PRR35: variants seen among roughly 807,000 people sequenced by gnomAD.
The protein encoded by PRR35 is proline rich 35.
Under a neutral mutation model 18.6 loss-of-function variants are expected in PRR35, and 14 were observed. The ratio of observed to expected loss-of-function variants is 0.75; its 90% confidence interval spans 0.50 to 1.18. The LOEUF (loss-of-function observed/expected upper bound fraction) is 1.18, where lower values mean the gene tolerates loss of function less well. PRR35 is among the 50% of genes most tolerant of loss of function. The probability of loss-of-function intolerance (pLI) is 0.00; values close to 1 mark genes in which losing one functional copy is unlikely to be tolerated. For missense variants in PRR35, 832 were observed against 792.2 expected, an observed-to-expected ratio of 1.05 and a Z score of -0.60; for synonymous variants, 425 against 378.2, an observed-to-expected ratio of 1.12 and a Z score of -1.43.
Position 563,888 on chromosome 16 carries a change from C to A in PRR35, c.594C>A (p.Phe198Leu). The change falls in exon 2 of 3, where the codon TTC becomes TTA. Residue 198 changes from phenylalanine (F) to leucine (L), a missense_variant. By Grantham distance (22) the Phe-to-Leu change is conservative. Around this residue, in one of 3 missense-constraint regions of PRR35, gnomAD observed 768 missense variants for 704.1 expected, o/e 1.09. Transcript: ENST00000409413. ...ATCCCCCGCCTGCCCCAGGGGAGTT[C>A]CCTGAGGCCCACAGCCTCCACCTGT... is the stretch of plus-strand genomic sequence containing the variant. Reference protein sequence around the residue: ...PCYPPPAPGEFPEAHSLHLSL... With the variant: ...PCYPPPAPGELPEAHSLHLSL... 6.3e-7 allele frequency: 1 copy of A among 1,580,896 alleles called. No homozygotes were observed. The highest frequency in any genetic ancestry group is 2.3e-5 in the East Asian group (1 of 42,766).
intron 1 of PRR35, among the ~76,000 whole-genome samples, chr16:562,597 ACACACACAGG>A (rs1445119565): frequency 1.3e-4 from 8 of 62,942 alleles, no homozygotes; most frequent in African/African-American, 3.6e-4. Flanking sequence ...ACACACACAG[ACACACACAGG>A]CACACACACA....
At chr16:561,227 T>G (rs1187751589) in intron 1 of PRR35, among the ~76,000 whole-genome samples, 1 of 152,146 alleles carries the variant, frequency 6.6e-6, no homozygotes, top group Non-Finnish European at 1.5e-5. Flanking sequence ...ACACACCAGG[T>G]GGGTGCCAGC....
At chr16:562,458 GCACA>G (rs1260668474) in intron 1 of PRR35, among the ~76,000 whole-genome samples, 1 of 152,080 alleles carries the variant, frequency 6.6e-6, no homozygotes, top group South Asian at 2.1e-4. Flanking sequence ...ATGCACACAT[GCACA>G]CACAATGCAC....
chr16:561,473 G>A (rs1426506767), intron 1 of PRR35, among the ~76,000 whole-genome samples: 1 of 152,170 alleles, frequency 6.6e-6, no homozygotes, highest in Non-Finnish European at 1.5e-5. Context: ...CAGGGAGAAG[G>A]GGCCGCCTCT....
chr16:561,648 C>A, intron 1 of PRR35: 2 of 836,158 alleles, frequency 2.4e-6, no homozygotes, highest in Non-Finnish European at 2.9e-6. Flanking sequence ...GGGCCCCAAG[C>A]CTTTGGACGA....
chr16:563,192 G>A (rs2035469707), intron 1 of PRR35, 64 bp from the exon 2 acceptor site: 5 of 1,392,816 alleles, frequency 3.6e-6, no homozygotes, highest in Non-Finnish European at 3.8e-6. Flanking sequence ...GGGGAGCCAT[G>A]GATGGAGAGG....
intron 1 of PRR35, among the ~76,000 whole-genome samples, chr16:563,023 C>T (rs1055469914): frequency 3.3e-5 from 5 of 150,566 alleles, no homozygotes; most frequent in African/African-American, 9.8e-5. Flanking sequence ...AGATGCAGCT[C>T]GCTGTCCTGG....
chr16:562,091 G>A (rs556660568), intron 1 of PRR35, among the ~76,000 whole-genome samples: 32 of 152,258 alleles, frequency 2.1e-4, no homozygotes, highest in Non-Finnish European at 2.1e-4. Flanking sequence ...GTGCGCAGGC[G>A]TGCTGTGCAC....
chr16:561,057 A>G (rs940678108), intron 1 of PRR35, among the ~76,000 whole-genome samples: 1 of 151,306 alleles, frequency 6.6e-6, no homozygotes, highest in Non-Finnish European at 1.5e-5. Context: ...GCTCTCCCCC[A>G]AACAGGGACA....
At chr16:561,324 G>T (rs1367105226) in intron 1 of PRR35, among the ~76,000 whole-genome samples, 1 of 152,236 alleles carries the variant, frequency 6.6e-6, no homozygotes, top group Non-Finnish European at 1.5e-5. Flanking sequence ...TCCCTGCTGG[G>T]AGGCGGGATG....
rs771266058 is a variant in PRR35, at chr16:564,824, C to T, written c.1233C>T (p.Ala411=). The change falls in exon 3 of 3, where the codon GCC becomes GCT. Residue 411 remains alanine (A), a synonymous_variant. Coordinates refer to ENST00000409413, the MANE Select transcript of PRR35 (RefSeq NM_145270.3). ...PEHVGEDLTR[A]LGDYARVEQR... is the part of the protein sequence containing the mutation. Reference sequence around the variant, plus strand: ...ATGTGGGCGAGGACCTGACCCGAGCCCTCGGTGACTACGCCAGGGTGGAGC... The same window carrying T: ...ATGTGGGCGAGGACCTGACCCGAGCTCTCGGTGACTACGCCAGGGTGGAGC... 5.8e-6 allele frequency: 9 copies of T among 1,558,884 alleles called. 1 individual carries two copies. In the South Asian group the frequency reaches 1.1e-4, roughly 18 times the overall value.
At position 563,035 on chromosome 16, in the gene PRR35, C is replaced by CTTTTTT. The variant is rs61007293; in HGVS notation, c.-39-210_-39-205dup. ...GTCAGATGCAGCTCGCTGTCCTGGA[C>CTTTTTT]TTTTTTTTTTTTTTTTGGTGCCCTG... is the stretch of plus-strand genomic sequence containing the variant. On this transcript the variant is annotated intron_variant, in intron 1 of 2. Coordinates refer to ENST00000409413, the MANE Select transcript of PRR35 (RefSeq NM_145270.3). Among the ~76,000 whole-genome samples the CTTTTTT allele has an allele frequency of 1.5e-3, 193 of 131,006 alleles. 6 individuals carry two copies. The South Asian group carries it at 0.02, about 14-fold the overall frequency. The allele number at this position is 131,006 out of a possible 152,430, so 85.9% of individuals were successfully genotyped here. A position where few individuals can be genotyped will look rare whatever the true frequency, so the allele number is the denominator to read the frequency against.
Position 564,727 on chromosome 16 carries a change from G to A in PRR35, c.1136G>A (p.Gly379Asp), listed in dbSNP as rs200682205. 6.3e-3 allele frequency: 9,649 copies of A among 1,534,078 alleles called. 44 individuals are homozygous for A. Among genetic ancestry groups the A allele is most frequent in the Middle Eastern group, 9.3e-3 (42 of 4,506 alleles). Reference protein sequence around the residue: ...MLWPEDGDPGGPETPGPEGPL... With the variant: ...MLWPEDGDPGDPETPGPEGPL... ...TGGCCTGAGGACGGGGATCCAGGCG[G>A]CCCTGAGACCCCCGGCCCTGAGGGC... Residue 379 changes from glycine to aspartate, a missense_variant, in exon 3 of 3, where the codon GGC (glycine) becomes GAC (aspartate). Transcript: ENST00000409413.
Position 564,016 on chromosome 16 carries a change from C to T in PRR35, c.722C>T (p.Pro241Leu), listed in dbSNP as rs1206371558. Residue 241 changes from proline (P) to leucine (L), a missense_variant, in exon 2 of 3, where the codon CCC (proline) becomes CTC (leucine). Coordinates refer to ENST00000409413, the MANE Select transcript of PRR35 (RefSeq NM_145270.3). ...GTGCCCTTCCTGGCCTCGGCCAGCCCCCTGCTGCCCCCGGCCACGGCCTTC... is the reference window on the plus strand; with the variant it reads ...GTGCCCTTCCTGGCCTCGGCCAGCCTCCTGCTGCCCCCGGCCACGGCCTTC... ...AHVPFLASAS[P>L]LLPPATAFPA... is the part of the protein sequence containing the mutation. 4 of 1,590,342 alleles carry T rather than the reference C, an allele frequency of 2.5e-6. No individual in the cohort carries two copies. Among genetic ancestry groups the T allele is most frequent in the Non-Finnish European group, 3.4e-6 (4 of 1,172,384 alleles).
At chr16:560,966 C>T (rs1233230113) in intron 1 of PRR35, among the ~76,000 whole-genome samples, 2 of 151,232 alleles carry the variant, frequency 1.3e-5, no homozygotes, top group South Asian at 2.1e-4. Context: ...TGCGGGTGGC[C>T]GATCAGGGTC....
chr16:564,183 C>T lies in PRR35; in HGVS notation c.889C>T (p.Pro297Ser). Residue 297 changes from proline to serine, a missense_variant, in exon 2 of 3, where the codon CCG becomes TCG. Coordinates refer to ENST00000409413, the MANE Select transcript of PRR35 (RefSeq NM_145270.3). Reference sequence around the variant, plus strand: ...CTCCCCCAGGAGCCCCTCTGGGACTCCGGCTCCTGGCCTGCTGAAGGTGCC... The same window carrying T: ...CTCCCCCAGGAGCCCCTCTGGGACTTCGGCTCCTGGCCTGCTGAAGGTGCC... Reference protein sequence around the residue: ...PVSPRSPSGTPAPGLLKVPVP... With the variant: ...PVSPRSPSGTSAPGLLKVPVP... 1 of 1,563,188 alleles carries T rather than the reference C, an allele frequency of 6.4e-7. No homozygotes were observed. Among genetic ancestry groups the T allele is most frequent in the Non-Finnish European group, 8.6e-7 (1 of 1,160,838 alleles).
In PRR35 at chr16:560,585, G is replaced by A; in HGVS notation, c.-116G>A. On this transcript the variant is annotated 5_prime_UTR_variant, in exon 1 of 3. Coordinates refer to ENST00000409413, the MANE Select transcript of PRR35 (RefSeq NM_145270.3). The stretch of plus-strand genomic sequence containing the variant: ...CGGGGTCCGAGTCGCGGCCGGCGCG[G>A]GGCGGGGAGGGGCGGGAAGTTTGCG... 1 of 983,362 alleles carries A rather than the reference G, an allele frequency of 1.0e-6. No homozygotes were observed. The highest frequency in any genetic ancestry group is 4.7e-5 in the South Asian group (1 of 21,288). The allele number at this position is 983,362 out of a possible 1,614,324, so 60.9% of individuals were successfully genotyped here.
In PRR35 at chr16:565,350, CG is replaced by C; in HGVS notation, c.*45del. On this transcript the variant is annotated 3_prime_UTR_variant, in exon 3 of 3. Transcript: ENST00000409413. ...CTGACTGTCTCTGCCTGCAGCATGC[CG>C]GCCCCTCTCCTGCAGCCCCTGCCCC... is the stretch of plus-strand genomic sequence containing the variant. The C allele has an allele frequency of 7.0e-7, 1 of 1,421,672 alleles. No homozygotes were observed. The highest frequency in any genetic ancestry group is 1.5e-5 in the South Asian group (1 of 65,222). 88.1% of individuals were successfully genotyped at this position (1,421,672 alleles called of 1,614,324 possible).
rs201282444 is a variant in PRR35, at chr16:563,350, G to A, written c.56G>A (p.Arg19Gln). ...GGCACAGGGGCGAGGGCGCGGTCTCGGAAGCCCAAGAAGCCACACTACATC... is the reference window on the plus strand; with the variant it reads ...GGCACAGGGGCGAGGGCGCGGTCTCAGAAGCCCAAGAAGCCACACTACATC... ...RVGTGARARS[R>Q]KPKKPHYIPR... Residue 19 changes from arginine (R) to glutamine (Q), a missense_variant, in exon 2 of 3, where the codon CGG becomes CAG. By Grantham distance (43) the Arg-to-Gln change is conservative. Transcript: ENST00000409413. The A allele has an allele frequency of 1.4e-4, 232 of 1,611,954 alleles. No homozygotes were observed. Among genetic ancestry groups the A allele is most frequent in the Non-Finnish European group, 1.8e-4 (207 of 1,179,642 alleles).
Sources: allele counts gnomAD v4.1 joint callset (sites outside exome capture counted in the v4.1 genomes callset), GRCh38; gene constraint gnomAD v4.1.1; regional missense constraint gnomAD v4.1.1; transcripts MANE v1.5; gene names NCBI Gene and HGNC (gene_info 2026-07-23, HGNC 2026-07-21).